Variants in SDHD observed in about 807,000 individuals in gnomAD.
SDHD encodes the protein succinate dehydrogenase [ubiquinone] cytochrome b small subunit, mitochondrial.
SDHD carries 6 observed loss-of-function variants against 18.7 expected under a neutral mutation model. That is an observed-to-expected ratio of 0.32 (90% CI 0.18 to 0.63). The LOEUF (loss-of-function observed/expected upper bound fraction) is 0.63, where lower values mean the gene tolerates loss of function less well. Ranked by LOEUF, SDHD falls within the 30% of genes least tolerant of loss-of-function variation. SDHD has a pLI of 0.79. For missense variants in SDHD, 160 were observed against 192.7 expected (o/e 0.83, Z 1.00); for synonymous variants, 56 against 73.9 (o/e 0.76, Z 1.24).
At chr11:112,088,137 T>C (rs1359276878) in intron 2 of SDHD, 164 bp downstream of exon 2, 2 of 729,148 alleles carry the variant, frequency 2.7e-6, no homozygotes, top group Non-Finnish European at 5.0e-6. Flanking sequence ...GCCATTATGG[T>C]TGAATGATGC....
intron 3 of SDHD, chr11:112,091,076 C>G (rs754888419): frequency 1.5e-5 from 15 of 978,146 alleles, no homozygotes; most frequent in Non-Finnish European, 1.8e-5. Context: ...TTTAACCACA[C>G]AGACCTTTCC....
intron 3 of SDHD, among the ~76,000 whole-genome samples, chr11:112,092,348 T>C (rs1865760909): frequency 6.6e-6 from 1 of 152,126 alleles, no homozygotes; most frequent in Non-Finnish European, 1.5e-5. Context: ...AAGACAACAG[T>C]CTCACGTAGG....
intron 3 of SDHD, among the ~76,000 whole-genome samples, chr11:112,090,476 A>C (rs1171061914): frequency 1.3e-5 from 2 of 152,090 alleles, no homozygotes; most frequent in Non-Finnish European, 2.9e-5. Flanking sequence ...TTCTAAAATG[A>C]GGGTAAATGA....
At chr11:112,092,664 G>C (rs1865765469) in intron 3 of SDHD, among the ~76,000 whole-genome samples, 1 of 152,182 alleles carries the variant, frequency 6.6e-6, no homozygotes, top group South Asian at 2.1e-4. Context: ...TCGTGGTTCT[G>C]CTGGGAATAT....
intron 1 of SDHD, 69 bp from the exon 2 acceptor site, chr11:112,087,788 C>A: frequency 1.0e-6 from 1 of 959,794 alleles, no homozygotes; most frequent in Non-Finnish European, 1.7e-6. Context: ...TACCTATGGT[C>A]ATTTAGAAAG....
chr11:112,091,626 C>A (rs908590694), intron 3 of SDHD, among the ~76,000 whole-genome samples: 1 of 152,144 alleles, frequency 6.6e-6, no homozygotes, highest in African/African-American at 2.4e-5. Flanking sequence ...TTGGCCAAAT[C>A]GCTCTTTTTT....
intron 3 of SDHD, among the ~76,000 whole-genome samples, chr11:112,093,818 C>G (rs1865790811): frequency 6.6e-6 from 1 of 152,142 alleles, no homozygotes; most frequent in African/African-American, 2.4e-5. Context: ...TTTGGATGTT[C>G]TCATTCATGT....
intron 3 of SDHD, among the ~76,000 whole-genome samples, chr11:112,091,900 C>G (rs1471555644): frequency 6.6e-6 from 1 of 152,146 alleles, no homozygotes; most frequent in African/African-American, 2.4e-5. Flanking sequence ...AACCTTGTCT[C>G]TACTAATAAT....
intron 1 of SDHD, 25 bp from the exon 2 acceptor site, chr11:112,087,832 A>G (rs377323194): frequency 6.8e-7 from 1 of 1,474,876 alleles, no homozygotes; most frequent in African/African-American, 1.4e-5. Flanking sequence ...GGTTCTTATG[A>G]TCATCCTAAT....
rs765826714 is a variant in SDHD at position 112,086,970 on chromosome 11, T to A, written c.52+11T>A. Reference sequence around the variant, plus strand: ...CCCTAGGAGGCCGAGGTGAGGGGTCTTCCCACCCTGAGGTGCTTAGCGTAG... The same window carrying A: ...CCCTAGGAGGCCGAGGTGAGGGGTCATCCCACCCTGAGGTGCTTAGCGTAG... On this transcript the variant is annotated intron_variant, in intron 1 of 3. Coordinates refer to ENST00000375549, the MANE Select transcript of SDHD (RefSeq NM_003002.4). The A allele has an allele frequency of 1.2e-6, 2 of 1,613,992 alleles. No homozygotes were observed. The highest frequency in any genetic ancestry group is 3.3e-5 in the Admixed American group (2 of 59,990).
chr11:112,088,971 G>T lies in SDHD; in HGVS notation c.274G>T (p.Asp92Tyr), dbSNP rs80338845. 1 of 1,614,042 alleles carries T rather than the reference G, an allele frequency of 6.2e-7. No homozygotes were observed. Among genetic ancestry groups the T allele is most frequent in the Non-Finnish European group, 8.5e-7 (1 of 1,180,012 alleles). Residue 92 changes from aspartate (D) to tyrosine (Y), a missense_variant, in exon 3 of 4, where the codon GAC becomes TAC. Transcript: ENST00000375549. ...AAYLNPCSAM[D>Y]YSLAAALTLH... is the part of the protein sequence containing the mutation. ...TTATTTGAATCCTTGCTCTGCGATGGACTATTCCCTGGCTGCAGCCCTCAC... is the reference window on the plus strand; with the variant it reads ...TTATTTGAATCCTTGCTCTGCGATGTACTATTCCCTGGCTGCAGCCCTCAC...
chr11:112,090,243 G>A (rs1865719307), intron 3 of SDHD, among the ~76,000 whole-genome samples: 1 of 152,136 alleles, frequency 6.6e-6, no homozygotes, highest in Non-Finnish European at 1.5e-5. Flanking sequence ...CAAGTAGCTG[G>A]GATTACAGGC....
At position 112,086,983 on chromosome 11, in the gene SDHD, G is replaced by C. The variant is rs200968062; in HGVS notation, c.52+24G>C. 3.7e-6 allele frequency: 6 copies of C among 1,613,788 alleles called. No homozygotes were observed. Among genetic ancestry groups the C allele is most frequent in the Non-Finnish European group, 5.1e-6 (6 of 1,179,756 alleles). Reference sequence around the variant, plus strand: ...AGGTGAGGGGTCTTCCCACCCTGAGGTGCTTAGCGTAGCCTCCAGCCAGGG... The same window carrying C: ...AGGTGAGGGGTCTTCCCACCCTGAGCTGCTTAGCGTAGCCTCCAGCCAGGG... On this transcript the variant is annotated intron_variant, in intron 1 of 3. Coordinates refer to ENST00000375549, the MANE Select transcript of SDHD (RefSeq NM_003002.4).
intron 2 of SDHD, 81 bp from the exon 3 acceptor site, chr11:112,088,786 T>G: frequency 6.8e-7 from 1 of 1,473,266 alleles, no homozygotes; most frequent in Non-Finnish European, 9.5e-7. Context: ...CCTGTCAGTT[T>G]GGGTTACTGT....
intron 3 of SDHD, among the ~76,000 whole-genome samples, chr11:112,090,371 A>G (rs965683848): frequency 6.6e-6 from 1 of 152,162 alleles, no homozygotes; most frequent in Non-Finnish European, 1.5e-5. Flanking sequence ...TCAGCCTCCT[A>G]AAGTGCTGGG....
At chr11:112,094,729 C>T in intron 3 of SDHD, 76 bp from the exon 4 acceptor site, 1 of 1,348,362 alleles carries the variant, frequency 7.4e-7, no homozygotes, top group Non-Finnish European at 1.0e-6. Context: ...TGTTTTTTTG[C>T]AGCCAAGTTA....
chr11:112,094,783 AT>A (rs1194350911), intron 3 of SDHD, 21 bp from the exon 4 acceptor site: 1 of 1,606,764 alleles, frequency 6.2e-7, no homozygotes, highest in Non-Finnish European at 8.5e-7. Flanking sequence ...TATTGATGTT[AT>A]GATTTTTTCT....
At position 112,087,847 on chromosome 11, in the gene SDHD, CTT is replaced by C. The variant is rs765322445; in HGVS notation, c.53-8_53-7del. On this transcript the variant is annotated splice_region_variant and splice_polypyrimidine_tract_variant and intron_variant, in intron 1 of 3. Coordinates refer to ENST00000375549, the MANE Select transcript of SDHD (RefSeq NM_003002.4). ...GGTTCTTATGATCATCCTAATGACTCTTTCCTCAGCTCTGTTGCTTCGAACTC... is the reference window on the plus strand; with the variant it reads ...GGTTCTTATGATCATCCTAATGACTCTCCTCAGCTCTGTTGCTTCGAACTC... The C allele has an allele frequency of 6.3e-7, 1 of 1,581,792 alleles. No homozygotes were observed. The highest frequency in any genetic ancestry group is 1.1e-5 in the South Asian group (1 of 90,448).
chr11:112,087,896 T>C lies in SDHD; in HGVS notation c.92T>C (p.Ile31Thr). Residue 31 changes from isoleucine to threonine, a missense_variant, in exon 2 of 4, where the codon ATC (isoleucine) becomes ACC (threonine). Coordinates refer to ENST00000375549, the MANE Select transcript of SDHD (RefSeq NM_003002.4). The part of the protein sequence containing the change: ...LRTPVVRPAH[I>T]SAFLQDRPIP... ...ACTCCAGTGGTCAGACCTGCTCATA[T>C]CTCAGCATTTCTTCAGGACCGACCT... is the stretch of plus-strand genomic sequence containing the variant. 1 of 1,613,978 alleles carries C rather than the reference T, an allele frequency of 6.2e-7. No homozygotes were observed. The highest frequency in any genetic ancestry group is 1.1e-5 in the South Asian group (1 of 91,082).
Sources: allele counts gnomAD v4.1 joint callset (sites outside exome capture counted in the v4.1 genomes callset), GRCh38; gene constraint gnomAD v4.1.1; transcripts MANE v1.5; gene names NCBI Gene and HGNC (gene_info 2026-07-23, HGNC 2026-07-21).